THSD7B: variants seen among roughly 807,000 people sequenced by gnomAD.
The protein encoded by THSD7B is thrombospondin type-1 domain-containing protein 7B.
THSD7B carries 138 observed loss-of-function variants against 213.6 expected under a neutral mutation model. The observed-to-expected ratio is 0.65, with a 90% CI of 0.56 to 0.74. The LOEUF (loss-of-function observed/expected upper bound fraction) is 0.74. Among genes scored for constraint, THSD7B ranks in the 30% least tolerant of loss-of-function variants. THSD7B has a pLI of 0.00. For synonymous variants in THSD7B, 742 were observed against 687.0 expected, an observed-to-expected ratio of 1.08 and a Z score of -1.25; for missense variants, 1,931 against 1,991.5, an observed-to-expected ratio of 0.97 and a Z score of 0.58.
In THSD7B at chr2:136,773,997, A is replaced by T. The variant is rs189840224; in HGVS notation, c.-36+8310A>T. On this transcript the variant is annotated intron_variant, in intron 1 of 27. Transcript: ENST00000409968. ...TATCTCATTACTCTCATCTACTAAA[A>T]ACTGAATCCCACATACCTTTCATTT... 5.5e-4 allele frequency among the ~76,000 whole-genome samples: 83 copies of T among 152,046 alleles called. 1 individual carries two copies. In the East Asian group the frequency reaches 0.013, roughly 24 times the overall value.
chr2:137,216,389 C>T (rs1681243853), intron 7 of THSD7B, among the ~76,000 whole-genome samples: 1 of 150,474 alleles, frequency 6.6e-6, no homozygotes, highest in African/African-American at 2.5e-5. Context: ...TATTTTCAGG[C>T]AAATTTATCA....
chr2:136,831,076 T>C (rs760550806), intron 1 of THSD7B, among the ~76,000 whole-genome samples: 58 of 151,466 alleles, frequency 3.8e-4, no homozygotes, highest in Non-Finnish European at 6.8e-4. Flanking sequence ...ATGCCACCTG[T>C]TTCCTAGTTT....
intron 14 of THSD7B, among the ~76,000 whole-genome samples, chr2:137,430,593 CT>C (rs1687155889): frequency 6.6e-6 from 1 of 152,254 alleles, no homozygotes; most frequent in Non-Finnish European, 1.5e-5. Flanking sequence ...CCTAACTTAC[CT>C]TTCTCTCTCT....
chr2:136,874,633 G>A (rs1449933333), intron 1 of THSD7B, among the ~76,000 whole-genome samples: 3 of 152,138 alleles, frequency 2.0e-5, no homozygotes, highest in Non-Finnish European at 4.4e-5. Context: ...ATACATTTAA[G>A]GGAAAATGAA....
chr2:137,368,827 T>C (rs1685479137), intron 12 of THSD7B, among the ~76,000 whole-genome samples: 1 of 152,080 alleles, frequency 6.6e-6, no homozygotes, highest in South Asian at 2.1e-4. Flanking sequence ...ATTATGTTAT[T>C]TGCATTTGCA....
At chr2:137,141,464 G>C (rs143959372) in intron 5 of THSD7B, among the ~76,000 whole-genome samples, 1 of 146,618 alleles carries the variant, frequency 6.8e-6, no homozygotes, top group Admixed American at 6.9e-5. Context: ...ATAAAATTGC[G>C]TAGAAACACA....
At chr2:136,923,150 G>A (rs1210394309) in intron 2 of THSD7B, among the ~76,000 whole-genome samples, 1 of 152,036 alleles carries the variant, frequency 6.6e-6, no homozygotes, top group East Asian at 1.9e-4. Context: ...CCAACTATCT[G>A]CTTTCTGTTT....
intron 7 of THSD7B, among the ~76,000 whole-genome samples, chr2:137,212,593 G>A (rs1272312761): frequency 6.6e-6 from 1 of 151,964 alleles, no homozygotes; most frequent in Admixed American, 6.6e-5. Context: ...ATGTATTGAG[G>A]GCTGAGATGG....
intron 1 of THSD7B, among the ~76,000 whole-genome samples, chr2:136,880,073 C>T (rs1683593424): frequency 6.6e-6 from 1 of 152,162 alleles, no homozygotes; most frequent in Non-Finnish European, 1.5e-5. Context: ...AGAAAGTTAA[C>T]AAGGATATCC....
At chr2:137,075,311 C>T (rs1416391818) in intron 3 of THSD7B, among the ~76,000 whole-genome samples, 2 of 152,116 alleles carry the variant, frequency 1.3e-5, no homozygotes, top group Non-Finnish European at 2.9e-5. Flanking sequence ...CTCTAAACTT[C>T]TCTTCTCACT....
At chr2:137,355,571 GA>G (rs1685107948) in intron 12 of THSD7B, among the ~76,000 whole-genome samples, 1 of 152,130 alleles carries the variant, frequency 6.6e-6, no homozygotes, top group Admixed American at 6.6e-5. Context: ...GAGGGGACCA[GA>G]GTATCATTAA....
chr2:137,440,953 C>A (rs1687396003), intron 14 of THSD7B, among the ~76,000 whole-genome samples: 1 of 152,026 alleles, frequency 6.6e-6, no homozygotes, highest in Admixed American at 6.6e-5. Context: ...GCTTAGGATT[C>A]ATTGTATCAG....
At chr2:137,209,123 C>T (rs1169646868) in intron 7 of THSD7B, among the ~76,000 whole-genome samples, 2 of 151,990 alleles carry the variant, frequency 1.3e-5, no homozygotes, top group Non-Finnish European at 2.9e-5. Context: ...CAGGAATGAC[C>T]AAGGACAGCT....
intron 15 of THSD7B, among the ~76,000 whole-genome samples, chr2:137,528,195 T>TG (rs1680315089): frequency 6.6e-6 from 1 of 152,098 alleles, no homozygotes; most frequent in Non-Finnish European, 1.5e-5. Flanking sequence ...TGCCCAAAAT[T>TG]GGGGTTTGTT....
intron 15 of THSD7B, among the ~76,000 whole-genome samples, chr2:137,518,273 A>C (rs372230265): frequency 2.2e-4 from 34 of 152,032 alleles, no homozygotes; most frequent in African/African-American, 7.5e-4. Flanking sequence ...ATCCTGCACC[A>C]CCCGAAAGTG....
chr2:136,885,677 G>A (rs1012487775), intron 2 of THSD7B, among the ~76,000 whole-genome samples: 10 of 152,114 alleles, frequency 6.6e-5, no homozygotes, highest in African/African-American at 9.7e-5. Flanking sequence ...AAATTCCTCA[G>A]TTTTGGTTCT....
intron 21 of THSD7B, among the ~76,000 whole-genome samples, chr2:137,644,860 G>A (rs12990336): frequency 0.019 from 2,874 of 152,232 alleles, 44 homozygotes; most frequent in Non-Finnish European, 0.033. Context: ...AAAAGCTCGC[G>A]TGGGCACAGT....
intron 7 of THSD7B, among the ~76,000 whole-genome samples, chr2:137,221,801 G>A (rs1393782425): frequency 1.3e-5 from 2 of 152,148 alleles, no homozygotes; most frequent in Non-Finnish European, 2.9e-5. Context: ...CTTTAGTGAT[G>A]TGTTACCAAT....
chr2:136,942,658 T>G (rs528912682), intron 2 of THSD7B, among the ~76,000 whole-genome samples: 1 of 152,336 alleles, frequency 6.6e-6, no homozygotes, highest in South Asian at 2.1e-4. Flanking sequence ...GTTTGTCTGT[T>G]ATTGCTGTAT....
Sources: allele counts gnomAD v4.1 joint callset (sites outside exome capture counted in the v4.1 genomes callset), GRCh38; gene constraint gnomAD v4.1.1; transcripts MANE v1.5; gene names NCBI Gene and HGNC (gene_info 2026-07-23, HGNC 2026-07-21).